The following EFL1 variants were observed in gnomAD, a reference collection of about 807,000 sequenced individuals.
EFL1 encodes the protein elongation factor like GTPase 1.
EFL1 carries 76 observed loss-of-function variants against 126.7 expected under a neutral mutation model. The ratio of observed to expected loss-of-function variants is 0.60; its 90% CI spans 0.50 to 0.73. The LOEUF is 0.73. EFL1 is among the 30% of genes least tolerant of loss of function. EFL1 has a pLI of 0.00. For missense variants in EFL1, 1,128 were observed against 1,343.2 expected (o/e 0.84, Z 2.50); for synonymous variants, 410 against 448.4 (o/e 0.91, Z 1.08).
chr15:82,150,939 A>T (rs569352537), intron 18 of EFL1, among the ~76,000 whole-genome samples: 1 of 152,320 alleles, frequency 6.6e-6, no homozygotes, highest in Non-Finnish European at 1.5e-5. Flanking sequence ...TACGGAAAGG[A>T]TTCTATTTGT....
intron 15 of EFL1, among the ~76,000 whole-genome samples, chr15:82,201,276 C>A (rs937627541): frequency 1.3e-5 from 2 of 152,172 alleles, no homozygotes; most frequent in African/African-American, 2.4e-5. Flanking sequence ...GAGGCCCAGT[C>A]CTTAGGGAAT....
Position 82,252,409 on chromosome 15 carries a change from A to G in EFL1, c.244+282T>C, listed in dbSNP as rs1334819598. Among the ~76,000 whole-genome samples the G allele has an allele frequency of 3.3e-5, 5 of 152,202 alleles. No individual in the cohort carries two copies. In the East Asian group the frequency reaches 7.7e-4, roughly 23 times the overall value. On this transcript the variant is annotated intron_variant, in intron 4 of 19. Transcript: ENST00000268206. ...GCAGAATAGTAAGGCTGAACCAGCT[A>G]AAGTCCTAGGGCTCCTGACTTTCCT... is the stretch of plus-strand genomic sequence containing the variant.
At chr15:82,147,041 T>C (rs1018495041) in intron 18 of EFL1, among the ~76,000 whole-genome samples, 1 of 152,012 alleles carries the variant, frequency 6.6e-6, no homozygotes, top group Non-Finnish European at 1.5e-5. Flanking sequence ...CAGGTGGTGA[T>C]TTTCTAATAG....
chr15:82,192,267 A>G (rs1305186687), intron 15 of EFL1, among the ~76,000 whole-genome samples: 1 of 151,868 alleles, frequency 6.6e-6, no homozygotes, highest in Non-Finnish European at 1.5e-5. Context: ...AGATGTGGTG[A>G]TGGGTGCTTG....
chr15:82,196,123 GA>G (rs1247319470), intron 15 of EFL1, among the ~76,000 whole-genome samples: 2 of 152,166 alleles, frequency 1.3e-5, no homozygotes, highest in African/African-American at 2.4e-5. Context: ...GAAGCATAGG[GA>G]GGTCAGAAGA....
In EFL1 at chr15:82,261,670, T is replaced by C. The variant is rs768458289; in HGVS notation, c.91+18A>G. 5.0e-6 allele frequency: 8 copies of C among 1,611,206 alleles called. No homozygotes were observed. In the Admixed American group the frequency reaches 1.3e-4, roughly 27 times the overall value. On this transcript the variant is annotated intron_variant, in intron 2 of 19. Coordinates refer to ENST00000268206, the MANE Select transcript of EFL1 (RefSeq NM_024580.6). The stretch of plus-strand genomic sequence containing the variant: ...CTCCCTTATTTATCAAAATAAGCCA[T>C]TTAAAAAGTATTCTTACCATGGTCA...
At chr15:82,159,472 G>GT (rs542281221) in intron 16 of EFL1, among the ~76,000 whole-genome samples, 1,646 of 132,376 alleles carry the variant, frequency 0.012, 14 homozygotes, top group African/African-American at 0.021. Flanking sequence ...AATAAGAAAA[G>GT]TTTTTTTTTT....
intron 15 of EFL1, among the ~76,000 whole-genome samples, chr15:82,203,532 G>A (rs1366386455): frequency 6.6e-6 from 1 of 151,942 alleles, no homozygotes; most frequent in Non-Finnish European, 1.5e-5. Context: ...CCACCACCAC[G>A]CCCGGCAAAT....
At chr15:82,159,735 T>C (rs2074003853) in intron 16 of EFL1, among the ~76,000 whole-genome samples, 1 of 152,174 alleles carries the variant, frequency 6.6e-6, no homozygotes, top group Admixed American at 6.5e-5. Flanking sequence ...TCAGGAAAAC[T>C]AGATGTTCAC....
In EFL1 at chr15:82,166,557, T is replaced by G. The variant is rs561655572; in HGVS notation, c.1751-2573A>C. On this transcript the variant is annotated intron_variant, in intron 15 of 19. Coordinates refer to ENST00000268206, the MANE Select transcript of EFL1 (RefSeq NM_024580.6). Reference sequence around the variant, plus strand: ...ATGATCTAGATGAATCACTATAAAGTGACTTTAAAATTCCTTTTCAGAATT... The same window carrying G: ...ATGATCTAGATGAATCACTATAAAGGGACTTTAAAATTCCTTTTCAGAATT... Among the ~76,000 whole-genome samples the G allele has an allele frequency of 1.3e-3, 202 of 152,320 alleles. 1 individual carries two copies. The highest frequency in any genetic ancestry group is 4.5e-3 in the African/African-American group (188 of 41,570).
chr15:82,141,958 T>C (rs1448256286), intron 18 of EFL1, among the ~76,000 whole-genome samples: 1 of 152,184 alleles, frequency 6.6e-6, no homozygotes, highest in Non-Finnish European at 1.5e-5. Context: ...TACTGGGGCA[T>C]AGTTATGGAT....
At chr15:82,245,552 A>G (rs1230501334) in intron 4 of EFL1, among the ~76,000 whole-genome samples, 1 of 152,148 alleles carries the variant, frequency 6.6e-6, no homozygotes, top group African/African-American at 2.4e-5. Context: ...GTAAAGCACA[A>G]TTGTAAAGCT....
chr15:82,201,672 C>T (rs1352185415), intron 15 of EFL1, among the ~76,000 whole-genome samples: 2 of 143,658 alleles, frequency 1.4e-5, no homozygotes, highest in Non-Finnish European at 3.0e-5. Context: ...GAACATATGC[C>T]CATTTTTATA....
At chr15:82,233,503 T>C (rs918481199) in intron 7 of EFL1, among the ~76,000 whole-genome samples, 16 of 152,272 alleles carry the variant, frequency 1.1e-4, no homozygotes, top group African/African-American at 3.6e-4. Context: ...AGCTACCCAG[T>C]AGATTAATGT....
intron 15 of EFL1, among the ~76,000 whole-genome samples, chr15:82,192,270 G>C (rs2141272415): frequency 6.6e-6 from 1 of 151,924 alleles, no homozygotes. Flanking sequence ...TGTGGTGATG[G>C]GTGCTTGTAA....
At chr15:82,228,408 A>C (rs2074786926) in intron 9 of EFL1, 81 bp from the exon 10 acceptor site, 2 of 1,485,384 alleles carry the variant, frequency 1.3e-6, no homozygotes, top group East Asian at 4.7e-5. Flanking sequence ...TATTTGGCAT[A>C]TTTTTACCCT....
At chr15:82,261,998 TAAG>T in intron 1 of EFL1, 1 of 467,012 alleles carries the variant, frequency 2.1e-6, no homozygotes, top group Non-Finnish European at 3.8e-6. Flanking sequence ...CGATTACACT[TAAG>T]GAGTTTGCTC....
chr15:82,162,433 T>C (rs149719006), intron 16 of EFL1, among the ~76,000 whole-genome samples: 61 of 152,304 alleles, frequency 4.0e-4, no homozygotes, highest in African/African-American at 1.3e-3. Flanking sequence ...GACTCAAATA[T>C]CACAACTTAA....
At chr15:82,159,527 A>G (rs1156567591) in intron 16 of EFL1, among the ~76,000 whole-genome samples, 1 of 150,654 alleles carries the variant, frequency 6.6e-6, no homozygotes, top group Non-Finnish European at 1.5e-5. Flanking sequence ...TTTTGAAATT[A>G]GGTGTTTGAA....
Sources: gnomAD v4.1 joint callset for allele counts (sites outside exome capture counted in the v4.1 genomes callset) on GRCh38, gnomAD v4.1.1 for gene constraint, MANE v1.5 for transcripts, NCBI Gene and HGNC (gene_info 2026-07-23, HGNC 2026-07-21) for gene names.